The following SEC16A variants were observed in gnomAD, a reference collection of about 807,000 sequenced individuals.
SEC16A encodes the protein SEC16 homolog A, endoplasmic reticulum export factor.
A neutral mutation model predicts 221.9 loss-of-function variants in SEC16A; 110 were observed. That is an observed-to-expected ratio of 0.50 (90% confidence interval 0.42 to 0.58). SEC16A has a LOEUF of 0.58. Ranked by LOEUF, SEC16A falls within the 20% of genes least tolerant of loss-of-function variation. The pLI is 0.00. For synonymous variants in SEC16A, 1,393 were observed against 1,257.7 expected, an observed-to-expected ratio of 1.11 and a Z score of -2.28; for missense variants, 3,165 against 3,097.8, an observed-to-expected ratio of 1.02 and a Z score of -0.52.
Position 136,474,536 on chromosome 9 carries a change from G to A in SEC16A, c.3080C>T (p.Pro1027Leu), listed in dbSNP as rs375839951. 1.1e-4 allele frequency: 182 copies of A among 1,612,782 alleles called. No individual in the cohort carries two copies. The highest frequency in any genetic ancestry group is 1.5e-4 in the Non-Finnish European group (177 of 1,179,802). The change falls in exon 3 of 32, where the codon CCC becomes CTC. Residue 1027 changes from proline (P) to leucine (L), a missense_variant. Coordinates refer to ENST00000684901, the MANE Select transcript of SEC16A (RefSeq NM_014866.2). ...AGGCGCCCCAGGCCCAGATTGTCTG[G>A]GATGACTGGCAACACTTTGCTGAGA... ...LASQQSVASH[P>L]RQSGPGAPNL...
chr9:136,481,370 C>A (rs1319660984), intron 1 of SEC16A, among the ~76,000 whole-genome samples: 1 of 152,076 alleles, frequency 6.6e-6, no homozygotes, highest in Admixed American at 6.5e-5. Flanking sequence ...GATCTCCTGA[C>A]CTCGTGATCC....
intron 5 of SEC16A, among the ~76,000 whole-genome samples, chr9:136,467,868 C>T (rs975756483): frequency 2.6e-5 from 4 of 152,208 alleles, no homozygotes; most frequent in African/African-American, 9.6e-5. Context: ...GGAGGCTCTT[C>T]CCGGGGACAT....
In SEC16A at chr9:136,447,692, A is replaced by C; in HGVS notation, c.6448-12T>G. On this transcript the variant is annotated splice_polypyrimidine_tract_variant and intron_variant, in intron 25 of 31. Transcript: ENST00000684901. This position sits in a 1 kb window ranked among gnomAD's most constrained non-coding sequence, Gnocchi z 5.5. ...GGCGGGGCTTTCTTCTGCAGAGGGA[A>C]ACACAGCTTCAGACACCCACTGTGT... is the stretch of plus-strand genomic sequence containing the variant. The C allele has an allele frequency of 6.2e-7, 1 of 1,601,266 alleles. No individual in the cohort carries two copies. The highest frequency in any genetic ancestry group is 8.5e-7 in the Non-Finnish European group (1 of 1,169,990).
chr9:136,474,945 T>C lies in SEC16A; in HGVS notation c.2671A>G (p.Ser891Gly), dbSNP rs1589002083. The C allele has an allele frequency of 3.7e-6, 6 of 1,613,812 alleles. No homozygotes were observed. The East Asian group carries it at 1.1e-4, about 30-fold the overall frequency. ...ENTSLSGIPTSSVLSLSLPSS... is the reference protein window; with the variant it reads ...ENTSLSGIPTGSVLSLSLPSS... Reference sequence around the variant, plus strand: ...GGCAGAGACAAGCTAAGGACAGAGCTGGTTGGAATCCCAGACAAAGAAGTG... The same window carrying C: ...GGCAGAGACAAGCTAAGGACAGAGCCGGTTGGAATCCCAGACAAAGAAGTG... Residue 891 changes from serine (S) to glycine (G), a missense_variant, in exon 3 of 32, where the codon AGC (serine) becomes GGC (glycine). By Grantham distance (56) the Ser-to-Gly change is moderately conservative. Coordinates refer to ENST00000684901, the MANE Select transcript of SEC16A (RefSeq NM_014866.2).
chr9:136,445,221 T>C, intron 29 of SEC16A, 110 bp from the exon 30 acceptor site: 2 of 892,162 alleles, frequency 2.2e-6, no homozygotes, highest in Non-Finnish European at 3.6e-6. Context: ...GCCATTAGAA[T>C]CAACATAACT....
intron 28 of SEC16A, 126 bp downstream of exon 28, chr9:136,446,729 C>G: frequency 1.1e-6 from 1 of 914,274 alleles, no homozygotes; most frequent in Non-Finnish European, 1.6e-6. Context: ...AAGTGTGAGG[C>G]GTTTAAGGCG....
At chr9:136,467,508 G>T (rs1034375251) in intron 5 of SEC16A, among the ~76,000 whole-genome samples, 5 of 152,074 alleles carry the variant, frequency 3.3e-5, no homozygotes, top group Non-Finnish European at 7.4e-5. Context: ...TGCCCAGCCA[G>T]TTCTCTTTCA....
At position 136,462,936 on chromosome 9, in the gene SEC16A, T is replaced by G. The variant is rs767087664; in HGVS notation, c.4844A>C (p.Glu1615Ala). 7 of 1,604,590 alleles carry G rather than the reference T, an allele frequency of 4.4e-6. No homozygotes were observed. The highest frequency in any genetic ancestry group is 2.7e-5 in the African/African-American group (2 of 74,938). Residue 1615 changes from glutamate to alanine, a missense_variant, in exon 12 of 32, where the codon GAG becomes GCG. By Grantham distance (107) the Glu-to-Ala change is moderately radical. This residue lies in a region of SEC16A where 1,088 missense variants were observed against 1,089.6 expected (regional missense o/e 1.00). Transcript: ENST00000684901. The stretch of plus-strand genomic sequence containing the variant: ...CTCCCTGAACCTCTCGGTCTCTCTC[T>G]CGAGCGAGCTGGCGGCAGCCGCCGG... ...GGPAAAASSL[E>A]RETERFRELL...
chr9:136,463,373 T>A, intron 11 of SEC16A, 90 bp downstream of exon 11: 1 of 1,526,644 alleles, frequency 6.6e-7, no homozygotes, highest in Middle Eastern at 2.0e-4. Context: ...GCCACGCGGA[T>A]CCCGCCCTGC....
chr9:136,451,878 C>T (rs953302570), intron 22 of SEC16A, among the ~76,000 whole-genome samples: 17 of 152,314 alleles, frequency 1.1e-4, no homozygotes, highest in African/African-American at 4.1e-4. Flanking sequence ...AAGGGTAAAA[C>T]ACCTAATGCA....
Position 136,454,333 on chromosome 9 carries a change from T to C in SEC16A, c.5858-6A>G, listed in dbSNP as rs374604578. On this transcript the variant is annotated splice_region_variant and splice_polypyrimidine_tract_variant and intron_variant, in intron 20 of 31. Coordinates refer to ENST00000684901, the MANE Select transcript of SEC16A (RefSeq NM_014866.2). Reference sequence around the variant, plus strand: ...GTCAGGGAGCGTCTGCGGAGCTGCATGGGAACGGTGGAGAAGAGGTCTGGG... The same window carrying C: ...GTCAGGGAGCGTCTGCGGAGCTGCACGGGAACGGTGGAGAAGAGGTCTGGG... The C allele has an allele frequency of 1.9e-5, 30 of 1,564,318 alleles. No homozygotes were observed. Among genetic ancestry groups the C allele is most frequent in the Non-Finnish European group, 2.3e-5 (27 of 1,154,714 alleles).
At chr9:136,450,891 C>A (rs964181488) in intron 23 of SEC16A, among the ~76,000 whole-genome samples, 1 of 152,174 alleles carries the variant, frequency 6.6e-6, no homozygotes, top group African/African-American at 2.4e-5. Context: ...CAGCCCCACA[C>A]TGAAAGCAGT....
chr9:136,443,243 C>T (rs984272762), intron 31 of SEC16A, among the ~76,000 whole-genome samples: 1 of 152,196 alleles, frequency 6.6e-6, no homozygotes, highest in African/African-American at 2.4e-5. Flanking sequence ...GAGCTCCACA[C>T]GGGAGCACGG....
At chr9:136,463,357 T>A in intron 11 of SEC16A, 106 bp downstream of exon 11, 1 of 1,451,210 alleles carries the variant, frequency 6.9e-7, no homozygotes, top group Non-Finnish European at 9.4e-7. Flanking sequence ...GAGGCTCCCA[T>A]AGCTGGCCAC....
Position 136,462,830 on chromosome 9 carries a change from C to T in SEC16A, c.4893+57G>A, listed in dbSNP as rs1839675245. 2.9e-5 allele frequency: 45 copies of T among 1,572,436 alleles called. No homozygotes were observed. In the South Asian group the frequency reaches 4.4e-4, roughly 15 times the overall value. On this transcript the variant is annotated intron_variant, in intron 12 of 31. Transcript: ENST00000684901. ...CCTCCCTGAAGGCTGCAACCCCGCA[C>T]CAGGCCCGACCCAGTGGACATGTGC...
intron 18 of SEC16A, 27 bp from the exon 19 acceptor site, chr9:136,456,193 CCT>C (rs1255413010): frequency 5.2e-6 from 8 of 1,551,444 alleles, no homozygotes; most frequent in African/African-American, 1.4e-5. Context: ...ATCAAAGGCC[CCT>C]GTCACCACCG....
chr9:136,483,773 G>C (rs1191717628), upstream of SEC16A: 2 of 985,368 alleles, frequency 2.0e-6, no homozygotes, highest in African/African-American at 3.5e-5. Context: ...CTTCCGTTGG[G>C]CTGGGAGGCT....
intron 22 of SEC16A, among the ~76,000 whole-genome samples, chr9:136,452,449 CAAAAAAAAAAA>C (rs752510860): frequency 0.044 from 1,029 of 23,298 alleles, 27 homozygotes; most frequent in African/African-American, 0.16. Flanking sequence ...AACTCCATCT[CAAAAAAAAAAA>C]AAAAAAAAAA....
upstream of SEC16A, chr9:136,483,785 G>C: frequency 1.0e-6 from 1 of 985,484 alleles, no homozygotes; most frequent in South Asian, 4.7e-5. Flanking sequence ...TGGGAGGCTG[G>C]AGGGCAGGCG....
Sources: gnomAD v4.1 joint callset for allele counts (sites outside exome capture counted in the v4.1 genomes callset) on GRCh38, gnomAD v4.1.1 for gene constraint, gnomAD v4.1.1 regional missense constraint, Gnocchi (gnomAD v3.1) non-coding constraint, MANE v1.5 for transcripts, NCBI Gene and HGNC (gene_info 2026-07-23, HGNC 2026-07-21) for gene names.